The following RHOBTB2 variants were observed in gnomAD, a reference collection of about 807,000 sequenced individuals.
The protein encoded by RHOBTB2 is rho-related BTB domain-containing protein 2.
A neutral mutation model predicts 66.5 loss-of-function variants in RHOBTB2; 39 were observed. The ratio of observed to expected loss-of-function variants is 0.59; its 90% confidence interval spans 0.45 to 0.77. The LOEUF is 0.77. RHOBTB2 is among the 30% of genes least tolerant of loss of function. RHOBTB2 has a pLI of 0.00. For synonymous variants in RHOBTB2, 390 were observed against 395.0 expected, an observed-to-expected ratio of 0.99 and a Z score of 0.15; for missense variants, 755 against 999.1, an observed-to-expected ratio of 0.76 and a Z score of 3.29.
chr8:22,991,654 A>G (rs1339996944), intron 1 of RHOBTB2, among the ~76,000 whole-genome samples: 1 of 152,116 alleles, frequency 6.6e-6, no homozygotes, highest in Non-Finnish European at 1.5e-5. Flanking sequence ...ACTCCACTCC[A>G]CGGCTTTTAC....
chr8:22,987,716 G>A, intron 1 of RHOBTB2, among the ~76,000 whole-genome samples: 1 of 152,216 alleles, frequency 6.6e-6, no homozygotes, highest in South Asian at 2.1e-4. Flanking sequence ...GGAGGGATGT[G>A]TGAAGGGAGC....
upstream of RHOBTB2, among the ~76,000 whole-genome samples, chr8:22,985,666 G>T (rs1585176946): frequency 6.6e-6 from 1 of 152,206 alleles, no homozygotes; most frequent in Non-Finnish European, 1.5e-5. Flanking sequence ...GCGATGGAGG[G>T]CTGGAAGCAT....
chr8:22,989,180 C>G (rs1408236129), intron 1 of RHOBTB2, among the ~76,000 whole-genome samples: 1 of 152,210 alleles, frequency 6.6e-6, no homozygotes, highest in East Asian at 1.9e-4. Context: ...CTGAGTCTCT[C>G]TGTGTCGCCC....
chr8:22,963,518 A>G, the RHOBTB2 span, among the ~76,000 whole-genome samples: 7 of 143,612 alleles, frequency 4.9e-5, no homozygotes, highest in African/African-American at 1.5e-4. Context: ...GTGTAATACC[A>G]CAACTTAACA....
the RHOBTB2 span, among the ~76,000 whole-genome samples, chr8:22,972,933 G>A: frequency 6.6e-6 from 1 of 152,160 alleles, no homozygotes; most frequent in African/African-American, 2.4e-5. Context: ...TCCTGCGATG[G>A]GTGCAGTTTC....
chr8:22,960,730 C>T, the RHOBTB2 span, among the ~76,000 whole-genome samples: 2 of 152,180 alleles, frequency 1.3e-5, no homozygotes, highest in African/African-American at 2.4e-5. Flanking sequence ...CAAAACAAAT[C>T]AGTGTCATTT....
At chr8:22,983,006 C>T (rs1332400289), upstream of RHOBTB2, among the ~76,000 whole-genome samples, 1 of 152,188 alleles carries the variant, frequency 6.6e-6, no homozygotes, top group East Asian at 1.9e-4. Context: ...GATGACCTGC[C>T]CAAAGCCCCA....
chr8:22,994,451 G>C (rs892266928), intron 2 of RHOBTB2: 2 of 640,930 alleles, frequency 3.1e-6, no homozygotes, highest in African/African-American at 3.7e-5. Context: ...TCCTGAGTAG[G>C]GCCCTCTATC....
the RHOBTB2 span, among the ~76,000 whole-genome samples, chr8:22,959,337 C>A: frequency 6.6e-6 from 1 of 152,206 alleles, no homozygotes; most frequent in East Asian, 1.9e-4. Flanking sequence ...ACCTCTGCCT[C>A]CCAGGTTCAT....
At chr8:22,978,492 A>G in the RHOBTB2 span, among the ~76,000 whole-genome samples, 1 of 150,952 alleles carries the variant, frequency 6.6e-6, no homozygotes, top group Non-Finnish European at 1.5e-5. Context: ...TCTCAAAAAA[A>G]AAAAAAACAA....
Position 23,010,553 on chromosome 8 carries a change from A to G in RHOBTB2, c.1636A>G (p.Thr546Ala). The change falls in exon 7 of 10, where the codon ACA becomes GCA. Residue 546 changes from threonine (T) to alanine (A), a missense_variant. Physicochemically the swap from Thr to Ala is moderately conservative, Grantham distance 58. Around this residue, in one of 7 missense-constraint regions of RHOBTB2, gnomAD observed 353 missense variants for 458.2 expected, o/e 0.77. Transcript: ENST00000251822. ...CCCTCCCCAGGTGGTGTTTCCCTAC[A>G]CAAGCAAGAGCTGCATGCGGGCCGT... ...SSTREVVFPY[T>A]SKSCMRAVLE... 1.2e-6 allele frequency: 2 copies of G among 1,613,452 alleles called. No homozygotes were observed. The highest frequency in any genetic ancestry group is 1.7e-6 in the Non-Finnish European group (2 of 1,179,650).
intron 7 of RHOBTB2, among the ~76,000 whole-genome samples, chr8:23,013,154 T>TA (rs1811194826): frequency 6.6e-6 from 1 of 151,932 alleles, no homozygotes; most frequent in Non-Finnish European, 1.5e-5. Context: ...GGACTGGTCT[T>TA]AAACTCCAGC....
chr8:22,965,797 G>GTT, the RHOBTB2 span, among the ~76,000 whole-genome samples: 1 of 152,206 alleles, frequency 6.6e-6, no homozygotes, highest in African/African-American at 2.4e-5. Flanking sequence ...AGGTCTAATT[G>GTT]TAAGAGCTAG....
chr8:22,983,933 A>C (rs1401530775), upstream of RHOBTB2, among the ~76,000 whole-genome samples: 1 of 152,108 alleles, frequency 6.6e-6, no homozygotes, highest in Admixed American at 6.6e-5. Flanking sequence ...ACGGGGTTTC[A>C]CCATGTTGGC....
intron 6 of RHOBTB2, 102 bp from the exon 7 acceptor site, chr8:23,010,436 G>A (rs1225182316): frequency 1.5e-6 from 2 of 1,347,664 alleles, no homozygotes; most frequent in South Asian, 1.4e-5. Context: ...CCGTCTGGGG[G>A]AGCCTGGGTG....
chr8:22,968,418 A>G, the RHOBTB2 span, among the ~76,000 whole-genome samples: 3 of 152,134 alleles, frequency 2.0e-5, no homozygotes, highest in Admixed American at 2.0e-4. Context: ...AGTTGAGAAG[A>G]TTTAATATTT....
rs1241645470 is a variant in RHOBTB2 at position 23,017,214 on chromosome 8, GCCT to G, written c.1967-34_1967-32del. The G allele has an allele frequency of 1.2e-6, 2 of 1,611,160 alleles. No individual in the cohort carries two copies. Among genetic ancestry groups the G allele is most frequent in the Non-Finnish European group, 1.7e-6 (2 of 1,178,072 alleles). On this transcript the variant is annotated intron_variant, in intron 9 of 9. Transcript: ENST00000251822. This position sits in a 1 kb window ranked among gnomAD's most constrained non-coding sequence, Gnocchi z 5.3. ...TGTCCCACGTTCCTCTTGTCCCTCTGCCTCCTTTCTAACCAAGCTGCCTGCTCT... is the reference window on the plus strand; with the variant it reads ...TGTCCCACGTTCCTCTTGTCCCTCTGCCTTTCTAACCAAGCTGCCTGCTCT...
intron 6 of RHOBTB2, 91 bp downstream of exon 6, chr8:23,008,202 C>CT: frequency 1.1e-6 from 1 of 881,658 alleles, no homozygotes; most frequent in South Asian, 1.6e-5. Flanking sequence ...ACTTTCTTCA[C>CT]TGACTGTGTG....
upstream of RHOBTB2, chr8:22,996,007 C>A: frequency 1.1e-6 from 1 of 881,116 alleles, no homozygotes; most frequent in Non-Finnish European, 1.9e-6. Context: ...CCTTCACAGC[C>A]ACAGGGAGAG....
Sources: allele counts gnomAD v4.1 joint callset (sites outside exome capture counted in the v4.1 genomes callset), GRCh38; gene constraint gnomAD v4.1.1; regional missense constraint gnomAD v4.1.1; non-coding constraint Gnocchi (gnomAD v3.1); transcripts MANE v1.5; gene names NCBI Gene and HGNC (gene_info 2026-07-23, HGNC 2026-07-21).